ZNF43: variants seen among roughly 807,000 people sequenced by gnomAD.
The protein encoded by ZNF43 is zinc finger protein 43.
In ZNF43, 44 loss-of-function variants were observed where a neutral mutation model predicts 68.4. That is an observed-to-expected ratio of 0.64 (90% CI 0.51 to 0.83). The LOEUF is 0.83. ZNF43 is among the 40% of genes least tolerant of loss of function. The pLI, the probability that ZNF43 is intolerant of heterozygous loss-of-function variation, is 0.00. For synonymous variants in ZNF43, 308 were observed against 307.8 expected, an observed-to-expected ratio of 1.00 and a Z score of -0.01; for missense variants, 896 against 933.2, an observed-to-expected ratio of 0.96 and a Z score of 0.52.
In ZNF43 at chr19:21,808,558, C is replaced by G. The variant is rs1290869520; in HGVS notation, c.1479G>C (p.Arg493=). The G allele has an allele frequency of 6.2e-7, 1 of 1,607,976 alleles. No homozygotes were observed. The highest frequency in any genetic ancestry group is 8.5e-7 in the Non-Finnish European group (1 of 1,178,446). The change falls in exon 4 of 4, where the codon CGG becomes CGC. Residue 493 remains arginine (R), a synonymous_variant. Coordinates refer to ENST00000354959, the MANE Select transcript of ZNF43 (RefSeq NM_003423.4). Reference sequence around the variant, plus strand: ...TCTTATGTTTAGTAAGGTTTGAGGACCGGCTAAAAGCTTTGCCACATTCTT... The same window carrying G: ...TCTTATGTTTAGTAAGGTTTGAGGAGCGGCTAAAAGCTTTGCCACATTCTT... ...KCEECGKAFS[R]SSNLTKHKKI...
At chr19:21,818,992 A>G in intron 2 of ZNF43, 103 bp downstream of exon 2, 2 of 1,457,928 alleles carry the variant, frequency 1.4e-6, no homozygotes, top group Non-Finnish European at 1.8e-6. Flanking sequence ...AGGAATCTGA[A>G]ACTCATGAAT....
At chr19:21,817,258 T>C (rs1412070802) in intron 3 of ZNF43, among the ~76,000 whole-genome samples, 1 of 149,264 alleles carries the variant, frequency 6.7e-6, no homozygotes, top group Non-Finnish European at 1.5e-5. Context: ...TCCAAAGTGA[T>C]CTATAAATTT....
intron 1 of ZNF43, among the ~76,000 whole-genome samples, chr19:21,850,353 G>C (rs1464546497): frequency 6.6e-6 from 1 of 151,454 alleles, no homozygotes; most frequent in Non-Finnish European, 1.5e-5. Flanking sequence ...ACGAGGTCAG[G>C]AGTTCAGACC....
chr19:21,821,138 ATTTTTTTTTT>A (rs74174043), intron 1 of ZNF43, among the ~76,000 whole-genome samples: 1 of 118,560 alleles, frequency 8.4e-6, no homozygotes, highest in African/African-American at 3.3e-5. Flanking sequence ...CCCGGCTGTA[ATTTTTTTTTT>A]TTTTTTTTTT....
intron 1 of ZNF43, among the ~76,000 whole-genome samples, chr19:21,831,303 T>C (rs184846182): frequency 6.6e-6 from 1 of 152,306 alleles, no homozygotes; most frequent in East Asian, 1.9e-4. Flanking sequence ...TGTTTGCAGG[T>C]AGCATGATTC....
chr19:21,828,395 C>T (rs1405974188), intron 1 of ZNF43, among the ~76,000 whole-genome samples: 3 of 152,114 alleles, frequency 2.0e-5, no homozygotes, highest in African/African-American at 7.2e-5. Context: ...CTGGCTAACA[C>T]GGTGAAACCC....
intron 1 of ZNF43, among the ~76,000 whole-genome samples, chr19:21,823,800 C>T (rs895919182): frequency 9.9e-5 from 15 of 152,046 alleles, no homozygotes; most frequent in Admixed American, 9.8e-4. Context: ...AACTTCTAAC[C>T]TCAGGTGATC....
chr19:21,840,816 C>A (rs539091555), upstream of ZNF43: 3 of 152,234 alleles, frequency 2.0e-5, no homozygotes, highest in Admixed American at 2.0e-4. Flanking sequence ...TTTTCTAATA[C>A]AAACTCATAA....
intron 1 of ZNF43, among the ~76,000 whole-genome samples, chr19:21,820,938 A>G (rs2037808546): frequency 6.6e-6 from 1 of 150,828 alleles, no homozygotes; most frequent in Non-Finnish European, 1.5e-5. Context: ...GGTTCAAGCA[A>G]TTCTCCTGCC....
intron 3 of ZNF43, among the ~76,000 whole-genome samples, 177 bp from the exon 4 acceptor site, chr19:21,809,984 A>C (rs898050568): frequency 2.6e-5 from 4 of 152,228 alleles, no homozygotes; most frequent in Admixed American, 6.5e-5. Flanking sequence ...CAAATCAGTG[A>C]AAAATTTACA....
At chr19:21,812,941 AT>A (rs1438725484) in intron 3 of ZNF43, among the ~76,000 whole-genome samples, 6 of 147,326 alleles carry the variant, frequency 4.1e-5, no homozygotes, top group South Asian at 2.1e-4. Context: ...TCAAAAAAAA[AT>A]AATAATAAAA....
At chr19:21,844,222 C>T (rs1250302311) in intron 1 of ZNF43, among the ~76,000 whole-genome samples, 3 of 151,312 alleles carry the variant, frequency 2.0e-5, no homozygotes, top group East Asian at 2.0e-4. Context: ...ACAAAAAAGC[C>T]GGGCATATCC....
intron 1 of ZNF43, among the ~76,000 whole-genome samples, chr19:21,824,732 T>TA (rs34739856): frequency 0.018 from 1,925 of 107,174 alleles, 41 homozygotes; most frequent in African/African-American, 0.047. Context: ...TATGTTTACC[T>TA]AAAAAAAAAA....
At chr19:21,827,960 C>G (rs1228101168) in intron 1 of ZNF43, among the ~76,000 whole-genome samples, 1 of 152,160 alleles carries the variant, frequency 6.6e-6, no homozygotes, top group Non-Finnish European at 1.5e-5. Flanking sequence ...CGTACCCAGC[C>G]TCTGAAGAGC....
chr19:21,834,340 A>C (rs1235779951), intron 1 of ZNF43, among the ~76,000 whole-genome samples: 1 of 150,166 alleles, frequency 6.7e-6, no homozygotes, highest in African/African-American at 2.4e-5. Flanking sequence ...TGTCTCAAAA[A>C]AAAAAAAAAA....
chr19:21,851,753 G>T (rs565772503), intron 1 of ZNF43, among the ~76,000 whole-genome samples: 2 of 152,230 alleles, frequency 1.3e-5, no homozygotes. Context: ...CGGGAGGCTC[G>T]GCTGCGGGCC....
intron 3 of ZNF43, among the ~76,000 whole-genome samples, chr19:21,815,695 T>C (rs907443008): frequency 2.0e-5 from 3 of 152,022 alleles, no homozygotes; most frequent in Non-Finnish European, 4.4e-5. Context: ...ACTTCAGACA[T>C]AATATGTAAA....
chr19:21,835,955 G>A lies in ZNF43; in HGVS notation c.3+81C>T, dbSNP rs201074228. On this transcript the variant is annotated intron_variant, in intron 1 of 3. Transcript: ENST00000354959. ...CTGGGCAAGAACTCCGGCACGCGCA[G>A]ATTGTGGAGCTGACTGCGGGAAGGC... 1.0e-3 allele frequency: 1,683 copies of A among 1,607,234 alleles called. 2 individuals carry two copies. Among genetic ancestry groups the A allele is most frequent in the Non-Finnish European group, 1.3e-3 (1,502 of 1,175,222 alleles).
At chr19:21,835,439 C>T (rs1240019220) in intron 1 of ZNF43, among the ~76,000 whole-genome samples, 2 of 143,770 alleles carry the variant, frequency 1.4e-5, no homozygotes, top group Non-Finnish European at 3.0e-5. Context: ...CTCACTGCAT[C>T]CTCCGCCTCC....
Sources: allele counts gnomAD v4.1 joint callset (sites outside exome capture counted in the v4.1 genomes callset), GRCh38; gene constraint gnomAD v4.1.1; transcripts MANE v1.5; gene names NCBI Gene and HGNC (gene_info 2026-07-23, HGNC 2026-07-21).